PAQR8: variants seen among roughly 807,000 people sequenced by gnomAD.
The protein encoded by PAQR8 is membrane progestin receptor beta.
In PAQR8, 17 loss-of-function variants were observed where a neutral mutation model predicts 25.2. That is an observed-to-expected ratio of 0.67 (90% CI 0.46 to 1.01). The LOEUF is 1.01. PAQR8 is among the 50% of genes least tolerant of loss of function. The pLI is 0.00. For synonymous variants in PAQR8, 204 were observed against 190.6 expected, an observed-to-expected ratio of 1.07 and a Z score of -0.58; for missense variants, 392 against 448.4, an observed-to-expected ratio of 0.87 and a Z score of 1.14.
intron 1 of PAQR8, among the ~76,000 whole-genome samples, chr6:52,363,925 T>A (rs1763319971): frequency 6.6e-6 from 1 of 152,200 alleles, no homozygotes; most frequent in South Asian, 2.1e-4. Context: ...TGGGTGCGTG[T>A]CCTTCAATTA....
intron 1 of PAQR8, among the ~76,000 whole-genome samples, chr6:52,369,694 A>G (rs1302788113): frequency 1.3e-5 from 2 of 152,254 alleles, no homozygotes; most frequent in Non-Finnish European, 2.9e-5. Context: ...GTAAATCTGT[A>G]TAAAATATGG....
intron 1 of PAQR8, among the ~76,000 whole-genome samples, chr6:52,370,085 TC>T (rs1201752766): frequency 6.6e-6 from 1 of 150,630 alleles, no homozygotes; most frequent in Non-Finnish European, 1.5e-5. Context: ...TTTTTTTTTT[TC>T]CCCTCTTTAA....
At chr6:52,369,792 A>G (rs935203599) in intron 1 of PAQR8, among the ~76,000 whole-genome samples, 2 of 152,248 alleles carry the variant, frequency 1.3e-5, no homozygotes, top group Non-Finnish European at 2.9e-5. Context: ...CATTCCAGAA[A>G]TCCCATCTTA....
chr6:52,394,709 C>T (rs997383953), intron 1 of PAQR8, among the ~76,000 whole-genome samples: 5 of 152,054 alleles, frequency 3.3e-5, no homozygotes, highest in Non-Finnish European at 5.9e-5. Flanking sequence ...AGAGTGGTTA[C>T]GTTCAGTAGA....
intron 1 of PAQR8, among the ~76,000 whole-genome samples, chr6:52,374,467 A>G (rs1490617086): frequency 6.6e-6 from 1 of 152,052 alleles, no homozygotes; most frequent in Non-Finnish European, 1.5e-5. Context: ...GGCTGTAAGT[A>G]CAGTGGTGTA....
chr6:52,401,248 A>G (rs1445753101), intron 1 of PAQR8, among the ~76,000 whole-genome samples: 1 of 152,246 alleles, frequency 6.6e-6, no homozygotes, highest in Non-Finnish European at 1.5e-5. Context: ...TAAAATTAGT[A>G]AGCACCTTGA....
At position 52,404,300 on chromosome 6, in the gene PAQR8, G is replaced by T; in HGVS notation, c.*22G>T. ...CTGAGGCTGGCAAGTGGGGCAACGT[G>T]TGGAGGAAGCCCCTCATAATTTGGA... On this transcript the variant is annotated 3_prime_UTR_variant, in exon 2 of 2. Transcript: ENST00000442253. The T allele has an allele frequency of 6.5e-7, 1 of 1,545,694 alleles. No homozygotes were observed. Among genetic ancestry groups the T allele is most frequent in the Non-Finnish European group, 8.8e-7 (1 of 1,137,096 alleles).
chr6:52,399,364 C>T (rs1763805372), intron 1 of PAQR8, among the ~76,000 whole-genome samples: 1 of 152,208 alleles, frequency 6.6e-6, no homozygotes, highest in Admixed American at 6.5e-5. Context: ...TCCCTCAGAA[C>T]AGACAGATGC....
chr6:52,381,234 A>T (rs538222165), intron 1 of PAQR8, among the ~76,000 whole-genome samples: 1 of 152,370 alleles, frequency 6.6e-6, no homozygotes, highest in South Asian at 2.1e-4. Context: ...AGGTGACAGG[A>T]ACTAGGTGGG....
intron 1 of PAQR8, among the ~76,000 whole-genome samples, chr6:52,388,424 A>C (rs1201761598): frequency 6.6e-6 from 1 of 152,020 alleles, no homozygotes; most frequent in Non-Finnish European, 1.5e-5. Context: ...AATCATCATG[A>C]AACCATACTC....
At chr6:52,392,674 T>G (rs1763723668) in intron 1 of PAQR8, among the ~76,000 whole-genome samples, 1 of 152,234 alleles carries the variant, frequency 6.6e-6, no homozygotes, top group Non-Finnish European at 1.5e-5. Context: ...GTGCTTTCCA[T>G]TAGTAGGCTG....
At position 52,406,549 on chromosome 6, in the gene PAQR8, G is replaced by C; in HGVS notation, c.*2271G>C. On this transcript the variant is annotated 3_prime_UTR_variant, in exon 2 of 2. Transcript: ENST00000442253. ...TTATACAAGTATTGGCCCCTCAAGT[G>C]GTTGGAAATTTTTTTTTTAATCTCT... 1 of 413,330 alleles carries C rather than the reference G, an allele frequency of 2.4e-6. No homozygotes were observed. The highest frequency in any genetic ancestry group is 4.4e-6 in the Non-Finnish European group (1 of 226,114). The allele number at this position is 413,330 out of a possible 1,614,324, so 25.6% of individuals were successfully genotyped here.
intron 1 of PAQR8, among the ~76,000 whole-genome samples, chr6:52,383,245 A>G (rs1017044104): frequency 6.6e-6 from 1 of 152,306 alleles, no homozygotes; most frequent in Non-Finnish European, 1.5e-5. Context: ...CATACTTGAA[A>G]TATTTCATAA....
chr6:52,385,871 G>GT (rs1342646741), intron 1 of PAQR8, among the ~76,000 whole-genome samples: 8 of 152,204 alleles, frequency 5.3e-5, no homozygotes, highest in African/African-American at 1.7e-4. Flanking sequence ...AGGTGACAGA[G>GT]TGAGACCCTG....
At position 52,404,104 on chromosome 6, in the gene PAQR8, G is replaced by A. The variant is rs1249513247; in HGVS notation, c.891G>A (p.Leu297=). 1 of 1,614,240 alleles carries A rather than the reference G, an allele frequency of 6.2e-7. No individual in the cohort carries two copies. Residue 297 remains leucine (L), a synonymous_variant, in exon 2 of 2, where the codon CTG becomes CTA. Transcript: ENST00000442253. ...AFLSICTLSQ[L]EAILLDYQGR... ...TGTCCATCTGTACGCTCTCCCAGCT[G>A]GAGGCCATCCTCCTGGACTACCAGG...
At chr6:52,368,462 G>A (rs932541914) in intron 1 of PAQR8, among the ~76,000 whole-genome samples, 9 of 152,082 alleles carry the variant, frequency 5.9e-5, no homozygotes, top group Non-Finnish European at 1.2e-4. Flanking sequence ...GACCACTGCC[G>A]TGTGAAATGC....
chr6:52,390,286 G>C (rs1410640488), intron 1 of PAQR8, among the ~76,000 whole-genome samples: 1 of 152,228 alleles, frequency 6.6e-6, no homozygotes, highest in African/African-American at 2.4e-5. Context: ...GGAAAGTATA[G>C]GAAGTGACAG....
rs1384969740 is a variant in PAQR8, at chr6:52,407,777, A to G, written c.*3499A>G. Reference sequence around the variant, plus strand: ...ACCATTAAAGTGATTTTGTATATGCATTGTTGTAGTGTCAGCAGTTTAAAG... The same window carrying G: ...ACCATTAAAGTGATTTTGTATATGCGTTGTTGTAGTGTCAGCAGTTTAAAG... On this transcript the variant is annotated 3_prime_UTR_variant, in exon 2 of 2. Coordinates refer to ENST00000442253, the MANE Select transcript of PAQR8 (RefSeq NM_133367.5). The G allele has an allele frequency of 6.4e-6, 1 of 156,178 alleles. No homozygotes were observed. The highest frequency in any genetic ancestry group is 1.5e-5 in the Non-Finnish European group (1 of 67,538). 9.7% of individuals were successfully genotyped at this position (156,178 alleles called of 1,614,324 possible). A position where few individuals can be genotyped will look rare whatever the true frequency, so the allele number is the denominator to read the frequency against.
chr6:52,368,687 T>C (rs1183914102), intron 1 of PAQR8, among the ~76,000 whole-genome samples: 1 of 152,162 alleles, frequency 6.6e-6, no homozygotes, highest in Non-Finnish European at 1.5e-5. Context: ...TGCTGGACAG[T>C]TTTCAAAGTA....
Sources: gnomAD v4.1 joint callset for allele counts (sites outside exome capture counted in the v4.1 genomes callset) on GRCh38, gnomAD v4.1.1 for gene constraint, MANE v1.5 for transcripts, NCBI Gene and HGNC (gene_info 2026-07-23, HGNC 2026-07-21) for gene names.